Variants in TUBGCP2 observed in about 807,000 individuals in gnomAD.
TUBGCP2 encodes the protein gamma-tubulin complex component 2.
In TUBGCP2, 55 loss-of-function variants were observed where a neutral mutation model predicts 92.2. The ratio of observed to expected loss-of-function variants is 0.60; its 90% confidence interval spans 0.48 to 0.75. TUBGCP2 has a LOEUF of 0.75. Among genes scored for constraint, TUBGCP2 ranks in the 30% least tolerant of loss-of-function variants. TUBGCP2 has a pLI of 0.00. For missense variants in TUBGCP2, 1,093 were observed against 1,188.9 expected (o/e 0.92, Z 1.19); for synonymous variants, 533 against 505.2 (o/e 1.06, Z -0.74).
intron 8 of TUBGCP2, among the ~76,000 whole-genome samples, chr10:133,291,350 T>C (rs1847299106): frequency 8.3e-4 from 1 of 1,212 alleles, no homozygotes; most frequent in Non-Finnish European, 1.2e-3. Context: ...GTCCCCCATG[T>C]CCCTCCGTGT....
intron 5 of TUBGCP2, among the ~76,000 whole-genome samples, chr10:133,296,223 A>G (rs1218765727): frequency 6.6e-6 from 1 of 152,162 alleles, no homozygotes; most frequent in Non-Finnish European, 1.5e-5. Context: ...ATGGGGAAAC[A>G]TGGGGGGAAA....
chr10:133,284,177 G>C (rs1474263590), intron 13 of TUBGCP2, among the ~76,000 whole-genome samples, 175 bp from the exon 14 acceptor site: 1 of 152,248 alleles, frequency 6.6e-6, no homozygotes, highest in East Asian at 1.9e-4. Flanking sequence ...CTGCTCCTGC[G>C]TCTGCCCAGC....
intron 5 of TUBGCP2, among the ~76,000 whole-genome samples, chr10:133,296,469 A>G (rs1380189865): frequency 6.6e-6 from 1 of 151,834 alleles, no homozygotes; most frequent in African/African-American, 2.4e-5. Context: ...CACTGCACAA[A>G]GCAGACTGCT....
chr10:133,299,306 G>T, intron 4 of TUBGCP2, 121 bp downstream of exon 4: 1 of 783,940 alleles, frequency 1.3e-6, no homozygotes, highest in Non-Finnish European at 1.9e-6. Context: ...TTCAATAAAT[G>T]ACAGAGAGAC....
At position 133,299,419 on chromosome 10, in the gene TUBGCP2, C is replaced by T. The variant is rs541797419; in HGVS notation, c.456+8G>A. 17 of 1,586,546 alleles carry T rather than the reference C, an allele frequency of 1.1e-5. No individual in the cohort carries two copies. The highest frequency in any genetic ancestry group is 8.1e-5 in the African/African-American group (6 of 74,236). On this transcript the variant is annotated splice_region_variant and intron_variant, in intron 4 of 17. Coordinates refer to ENST00000252936, the MANE Select transcript of TUBGCP2 (RefSeq NM_006659.4). The stretch of plus-strand genomic sequence containing the variant: ...CATGGAGCCTGTGGACAGCCATGGA[C>T]GCAGTACCTGCTGCAGCGTGGAGCC...
At position 133,285,687 on chromosome 10, in the gene TUBGCP2, A is replaced by G; in HGVS notation, c.1723-59T>C. 6.9e-7 allele frequency: 1 copy of G among 1,452,876 alleles called. No individual in the cohort carries two copies. Among genetic ancestry groups the G allele is most frequent in the South Asian group, 1.6e-5 (1 of 63,696 alleles). The allele number at this position is 1,452,876 out of a possible 1,614,324, so 90.0% of individuals were successfully genotyped here. A position where few individuals can be genotyped will look rare whatever the true frequency, so the allele number is the denominator to read the frequency against. ...TTTTAAGGAAAAGACCCGAAGTCGC[A>G]TCCCGATCGCCATCCTCGCTCACAG... On this transcript the variant is annotated intron_variant, in intron 11 of 17. Transcript: ENST00000252936. The surrounding 1 kb of genome is among the most constrained non-coding windows in gnomAD (Gnocchi z 6.8).
upstream of TUBGCP2, chr10:133,310,447 G>C: frequency 1.0e-6 from 1 of 954,802 alleles, no homozygotes; most frequent in East Asian, 2.6e-5. Context: ...CACAGCTACA[G>C]GTGGTTGTGC....
At chr10:133,311,691 G>C (rs773415693), upstream of TUBGCP2, 38 of 1,602,032 alleles carry the variant, frequency 2.4e-5, no homozygotes, top group South Asian at 4.1e-4. Context: ...GTGCAGGGCA[G>C]TTACTCACTG....
intron 13 of TUBGCP2, among the ~76,000 whole-genome samples, chr10:133,284,606 C>T (rs746637884): frequency 1.4e-4 from 21 of 152,208 alleles, no homozygotes; most frequent in Non-Finnish European, 2.5e-4. Context: ...AACAATCCTC[C>T]CTCCTCAGCT....
At position 133,291,114 on chromosome 10, in the gene TUBGCP2, C is replaced by T. The variant is rs968386765; in HGVS notation, c.1215-1145G>A. Reference sequence around the variant, plus strand: ...TGTCCTGCACACAAAAGAATAAGGCCATAAGCAGCTGGGCCATTCCTGCCC... The same window carrying T: ...TGTCCTGCACACAAAAGAATAAGGCTATAAGCAGCTGGGCCATTCCTGCCC... On this transcript the variant is annotated intron_variant, in intron 8 of 17. Coordinates refer to ENST00000252936, the MANE Select transcript of TUBGCP2 (RefSeq NM_006659.4). 4 of 313,814 alleles carry T rather than the reference C, an allele frequency of 1.3e-5. 1 individual carries two copies. In the Admixed American group the frequency reaches 1.9e-4, roughly 15 times the overall value. The allele number at this position is 313,814 out of a possible 1,614,324, so 19.4% of individuals were successfully genotyped here. A position where few individuals can be genotyped will look rare whatever the true frequency, so the allele number is the denominator to read the frequency against.
chr10:133,296,321 C>G (rs3008347), intron 5 of TUBGCP2, among the ~76,000 whole-genome samples: 8 of 152,120 alleles, frequency 5.3e-5, no homozygotes, highest in East Asian at 3.9e-4. Context: ...CTTCCTTCTC[C>G]GAAGTCTGCC....
At chr10:133,309,533 G>A (rs974105802), upstream of TUBGCP2, 6 of 1,525,118 alleles carry the variant, frequency 3.9e-6, no homozygotes, top group East Asian at 1.2e-4. Context: ...CTGGTCCCTG[G>A]GGCTGTGCTG....
chr10:133,302,537 G>A (rs570792137), intron 2 of TUBGCP2: 11 of 484,104 alleles, frequency 2.3e-5, no homozygotes, highest in Non-Finnish European at 3.0e-5. Context: ...CAGGGACGAC[G>A]CTCATCCTGC....
At chr10:133,308,047 G>A (rs748464390) in intron 1 of TUBGCP2, among the ~76,000 whole-genome samples, 1 of 152,182 alleles carries the variant, frequency 6.6e-6, no homozygotes, top group African/African-American at 2.4e-5. Flanking sequence ...AGAATTTGAG[G>A]CCGCAGCGAT....
At chr10:133,284,770 G>A (rs1251416025) in intron 13 of TUBGCP2, among the ~76,000 whole-genome samples, 6 of 152,158 alleles carry the variant, frequency 3.9e-5, no homozygotes, top group Admixed American at 6.5e-5. Context: ...GTCCGCTCTC[G>A]GGAGGAGCTA....
Position 133,288,109 on chromosome 10 carries a change from C to A in TUBGCP2, c.1722+20G>T. ...CCGAGGCCTCTGCCACAGGGGACAG[C>A]CCCCGGCACCCCCACCCACCTTGAG... On this transcript the variant is annotated intron_variant, in intron 11 of 17. Transcript: ENST00000252936. The A allele has an allele frequency of 6.2e-7, 1 of 1,600,856 alleles. No homozygotes were observed. Among genetic ancestry groups the A allele is most frequent in the South Asian group, 1.1e-5 (1 of 90,440 alleles).
chr10:133,303,206 TC>T (rs1032709152), intron 1 of TUBGCP2, among the ~76,000 whole-genome samples: 1 of 150,052 alleles, frequency 6.7e-6, no homozygotes, highest in African/African-American at 2.5e-5. Flanking sequence ...TCTCAGAGGG[TC>T]CTCTGGACGG....
chr10:133,290,135 G>T, intron 8 of TUBGCP2, 166 bp from the exon 9 acceptor site: 1 of 990,006 alleles, frequency 1.0e-6, no homozygotes, highest in Non-Finnish European at 1.4e-6. Flanking sequence ...CTCAACTGTG[G>T]GCTAAAACGA....
At chr10:133,303,825 C>A (rs1331669991) in intron 1 of TUBGCP2, among the ~76,000 whole-genome samples, 1 of 152,260 alleles carries the variant, frequency 6.6e-6, no homozygotes, top group Non-Finnish European at 1.5e-5. Flanking sequence ...TCCACTGCAG[C>A]TCCAGCTGCC....
Sources: gnomAD v4.1 joint callset for allele counts (sites outside exome capture counted in the v4.1 genomes callset) on GRCh38, gnomAD v4.1.1 for gene constraint, Gnocchi (gnomAD v3.1) non-coding constraint, MANE v1.5 for transcripts, NCBI Gene and HGNC (gene_info 2026-07-23, HGNC 2026-07-21) for gene names.